The following PNPLA4 variants were observed in gnomAD, a reference collection of about 807,000 sequenced individuals.
PNPLA4 encodes the protein patatin like domain 4, phospholipase and triacylglycerol lipase.
PNPLA4 carries 15 observed loss-of-function variants against 18.3 expected under a neutral mutation model. The observed-to-expected ratio is 0.82, with a 90% CI of 0.55 to 1.26. The LOEUF (loss-of-function observed/expected upper bound fraction) is 1.26, where lower values mean the gene tolerates loss of function less well. Ranked by LOEUF, PNPLA4 falls within the 50% of genes most tolerant of loss-of-function variation. The pLI, the probability that PNPLA4 is intolerant of heterozygous loss-of-function variation, is 0.00. For synonymous variants in PNPLA4, 88 were observed against 85.6 expected, an observed-to-expected ratio of 1.03 and a Z score of -0.16; for missense variants, 229 against 196.8, an observed-to-expected ratio of 1.16 and a Z score of -0.98.
intron 5 of PNPLA4, among the ~76,000 whole-genome samples, chrX:7,908,640 C>T (rs747805586): frequency 9.8e-5 from 11 of 111,911 alleles, no homozygotes; most frequent in African/African-American, 2.0e-4. Flanking sequence ...AATGCAAGGC[C>T]GCTGTGGCTC....
intron 6 of PNPLA4, 130 bp downstream of exon 6, chrX:7,901,859 C>T: frequency 4.9e-6 from 3 of 617,235 alleles, no homozygotes; most frequent in Non-Finnish European, 7.8e-6. Flanking sequence ...TTAAACAACA[C>T]ACTAAGGAGA....
At chrX:7,907,131 C>T (rs1418795263) in intron 5 of PNPLA4, among the ~76,000 whole-genome samples, 1 of 111,405 alleles carries the variant, frequency 9.0e-6, no homozygotes, top group Non-Finnish European at 1.9e-5. Flanking sequence ...AATTCTCCTG[C>T]TTCAGCCTCC....
chrX:7,919,421 C>T (rs1472584156), intron 4 of PNPLA4, among the ~76,000 whole-genome samples: 3 of 112,169 alleles, frequency 2.7e-5, no homozygotes, highest in African/African-American at 9.7e-5. Context: ...GGTTAAAGGG[C>T]AGATGCCCCC....
Position 7,927,271 on chromosome X carries a change from C to G in PNPLA4, c.-14+15G>C, listed in dbSNP as rs1294966009. 8.8e-6 allele frequency: 1 copy of G among 113,343 alleles called. No individual in the cohort carries two copies. Among genetic ancestry groups the G allele is most frequent in the Admixed American group, 9.2e-5 (1 of 10,878 alleles). 9.3% of individuals were successfully genotyped at this position (113,343 alleles called of 1,213,427 possible). Reference sequence around the variant, plus strand: ...CCGCAGGAGCACACCCTTGCTGGGCCCCAGGGCTCCGTACCAATGCAGCCC... The same window carrying G: ...CCGCAGGAGCACACCCTTGCTGGGCGCCAGGGCTCCGTACCAATGCAGCCC... On this transcript the variant is annotated intron_variant, in intron 1 of 6. Coordinates refer to ENST00000381042, the MANE Select transcript of PNPLA4 (RefSeq NM_004650.3).
intron 1 of PNPLA4, 26 bp from the exon 2 acceptor site, chrX:7,926,158 T>C (rs1456111137): frequency 8.1e-6 from 9 of 1,107,930 alleles, no homozygotes; most frequent in Non-Finnish European, 8.6e-6. Context: ...ACAAAAATGC[T>C]GTAAGTTGGA....
At chrX:7,916,079 A>C (rs1349313774) in intron 4 of PNPLA4, among the ~76,000 whole-genome samples, 2 of 111,722 alleles carry the variant, frequency 1.8e-5, no homozygotes, top group African/African-American at 6.5e-5. Flanking sequence ...ACCCTTTCGG[A>C]AAACACTTGT....
chrX:7,913,391 T>C (rs968902222), intron 4 of PNPLA4, among the ~76,000 whole-genome samples: 10 of 111,984 alleles, frequency 8.9e-5, no homozygotes, highest in African/African-American at 3.2e-4. Context: ...CTAAAGAAGG[T>C]TGCCCAGTGC....
rs1441260018 is a variant in PNPLA4 at position 7,900,678 on chromosome X, T to C, written c.*8A>G. 5 of 1,109,304 alleles carry C rather than the reference T, an allele frequency of 4.5e-6. No individual in the cohort carries two copies. Among genetic ancestry groups the C allele is most frequent in the Non-Finnish European group, 6.1e-6 (5 of 820,692 alleles). The allele number at this position is 1,109,304 out of a possible 1,213,427, so 91.4% of individuals were successfully genotyped here. On this transcript the variant is annotated 3_prime_UTR_variant, in exon 7 of 7. Transcript: ENST00000381042. ...AAACGTGTTTTGCATTATAAACTTT[T>C]ATGCATTTTATTCAAACCAATTTTC...
intron 5 of PNPLA4, among the ~76,000 whole-genome samples, chrX:7,903,308 T>G (rs1283352355): frequency 1.9e-5 from 2 of 108,102 alleles, no homozygotes; most frequent in African/African-American, 6.7e-5. Flanking sequence ...ATTTATTTAT[T>G]TATTTATTTG....
chrX:7,920,365 T>G (rs759418900), intron 4 of PNPLA4, among the ~76,000 whole-genome samples: 19 of 111,956 alleles, frequency 1.7e-4, no homozygotes, highest in African/African-American at 6.2e-4. Context: ...AGCTCTTCCC[T>G]TGACACTGTC....
At chrX:7,925,039 T>C (rs184441183) in intron 2 of PNPLA4, among the ~76,000 whole-genome samples, 1 of 112,389 alleles carries the variant, frequency 8.9e-6, no homozygotes, top group East Asian at 2.8e-4. Flanking sequence ...CTGTTTAATC[T>C]CTGCAGTTTT....
intron 4 of PNPLA4, among the ~76,000 whole-genome samples, chrX:7,918,332 G>A (rs1924109471): frequency 1.8e-5 from 2 of 111,856 alleles, no homozygotes; most frequent in Admixed American, 9.5e-5. Flanking sequence ...TTACATGGCA[G>A]CAGGCAAGAG....
intron 5 of PNPLA4, among the ~76,000 whole-genome samples, chrX:7,905,790 C>T (rs994897610): frequency 1.3e-4 from 15 of 111,845 alleles, no homozygotes; most frequent in Admixed American, 7.6e-4. Context: ...TGGTAAACTA[C>T]GACCCACCAT....
At chrX:7,905,083 A>G (rs1202324963) in intron 5 of PNPLA4, among the ~76,000 whole-genome samples, 1 of 112,547 alleles carries the variant, frequency 8.9e-6, no homozygotes, top group Non-Finnish European at 1.9e-5. Flanking sequence ...TCAATGCCTG[A>G]GTCCTAAGAC....
intron 4 of PNPLA4, among the ~76,000 whole-genome samples, chrX:7,913,535 C>A (rs1923942773): frequency 8.9e-6 from 1 of 112,185 alleles, no homozygotes; most frequent in African/African-American, 3.2e-5. Flanking sequence ...GGTAACAGCA[C>A]AACACAAGGA....
intron 5 of PNPLA4, among the ~76,000 whole-genome samples, chrX:7,905,824 T>C (rs1361410355): frequency 3.6e-5 from 4 of 112,218 alleles, no homozygotes; most frequent in African/African-American, 9.7e-5. Flanking sequence ...TAAAATTTTA[T>C]TGGCACATGA....
In PNPLA4 at chrX:7,912,016, T is replaced by C. The variant is rs747462182; in HGVS notation, c.477+12A>G. On this transcript the variant is annotated intron_variant, in intron 5 of 6. Transcript: ENST00000381042. ...AGGGAGGAGGGTAATTCCTCAGTTA[T>C]AACAAGCTTACCTGCCCTTTGTATT... The C allele has an allele frequency of 1.7e-6, 2 of 1,168,759 alleles. No individual in the cohort carries two copies. Among genetic ancestry groups the C allele is most frequent in the Admixed American group, 2.2e-5 (1 of 45,838 alleles).
rs1457742211 is a variant in PNPLA4 at position 7,899,752 on chromosome X, G to C, written c.*934C>G. On this transcript the variant is annotated 3_prime_UTR_variant, in exon 7 of 7. Transcript: ENST00000381042. ...AGGGGAGGAAGATGAGAGGGGATAA[G>C]CCTCTTCAAAATCTCCTAGGCTTCT... is the stretch of plus-strand genomic sequence containing the variant. The C allele has an allele frequency of 9.3e-6, 1 of 107,976 alleles. No individual in the cohort carries two copies. Among genetic ancestry groups the C allele is most frequent in the Non-Finnish European group, 1.9e-5 (1 of 52,252 alleles). The allele number at this position is 107,976 out of a possible 1,213,427, so 8.9% of individuals were successfully genotyped here.
At chrX:7,904,129 C>T (rs956624993) in intron 5 of PNPLA4, among the ~76,000 whole-genome samples, 5 of 111,757 alleles carry the variant, frequency 4.5e-5, no homozygotes, top group Non-Finnish European at 9.4e-5. Context: ...AGACAGCTTC[C>T]AAAATTATTT....
Sources: allele counts gnomAD v4.1 joint callset (sites outside exome capture counted in the v4.1 genomes callset), GRCh38; gene constraint gnomAD v4.1.1; transcripts MANE v1.5; gene names NCBI Gene and HGNC (gene_info 2026-07-23, HGNC 2026-07-21).